The following ETV1 variants were observed in gnomAD, a reference collection of about 807,000 sequenced individuals.
ETV1 encodes the protein ETS translocation variant 1.
Under a neutral mutation model 62.3 loss-of-function variants are expected in ETV1, and 27 were observed. That is an observed-to-expected ratio of 0.43 (90% CI 0.32 to 0.60). The LOEUF is 0.60. Among genes scored for constraint, ETV1 ranks in the 20% least tolerant of loss-of-function variants. The probability of loss-of-function intolerance (pLI) is 0.06; values close to 1 mark genes in which losing one functional copy is unlikely to be tolerated. For synonymous variants in ETV1, 222 were observed against 199.6 expected, an observed-to-expected ratio of 1.11 and a Z score of -0.94; for missense variants, 605 against 605.8, an observed-to-expected ratio of 1.00 and a Z score of 0.01.
intron 6 of ETV1, among the ~76,000 whole-genome samples, chr7:13,944,900 G>A (rs1404157828): frequency 2.6e-5 from 4 of 152,138 alleles, no homozygotes; most frequent in Admixed American, 6.5e-5. Context: ...AGACTGCTAC[G>A]TGAAAATGAG....
chr7:13,929,900 G>C (rs1277958146), intron 9 of ETV1, among the ~76,000 whole-genome samples: 5 of 152,146 alleles, frequency 3.3e-5, no homozygotes, highest in Admixed American at 3.3e-4. Flanking sequence ...AGAGCCTTAA[G>C]GGCAGTTCAT....
At chr7:13,899,664 A>G (rs796917948) in intron 13 of ETV1, among the ~76,000 whole-genome samples, 11 of 152,382 alleles carry the variant, frequency 7.2e-5, no homozygotes, top group African/African-American at 2.2e-4. Context: ...GGTAAATCAT[A>G]AACTTGGTTC....
At chr7:13,988,761 A>G (rs1782798894) in intron 3 of ETV1, 1 of 1,611,572 alleles carries the variant, frequency 6.2e-7, no homozygotes, top group South Asian at 1.1e-5. Context: ...CTCCTCTTCC[A>G]CTCATGTTGG....
At chr7:13,980,661 C>T (rs751814694) in intron 5 of ETV1, among the ~76,000 whole-genome samples, 9 of 152,086 alleles carry the variant, frequency 5.9e-5, no homozygotes, top group Non-Finnish European at 1.3e-4. Flanking sequence ...GCTGGAGCGG[C>T]TCTATCAGTT....
chr7:13,986,367 T>A, intron 5 of ETV1: 1 of 1,488,230 alleles, frequency 6.7e-7, no homozygotes, highest in Non-Finnish European at 8.9e-7. Flanking sequence ...GGCTTAGAAC[T>A]TGAAGTCTTG....
At chr7:13,946,508 A>C (rs1223800610) in intron 6 of ETV1, among the ~76,000 whole-genome samples, 3 of 152,178 alleles carry the variant, frequency 2.0e-5, no homozygotes, top group African/African-American at 7.2e-5. Flanking sequence ...ATTCCTCATG[A>C]AGTGTTTGCT....
intron 5 of ETV1, among the ~76,000 whole-genome samples, chr7:13,982,959 G>C (rs1420098962): frequency 2.6e-5 from 4 of 151,984 alleles, no homozygotes; most frequent in Admixed American, 2.6e-4. Context: ...CCATTAAAGC[G>C]AATTGAGGGG....
intron 6 of ETV1, among the ~76,000 whole-genome samples, chr7:13,957,085 T>A (rs1042565252): frequency 3.3e-5 from 5 of 151,942 alleles, no homozygotes; most frequent in African/African-American, 1.2e-4. Context: ...TTTATTTATT[T>A]TTTATTTTTA....
chr7:13,953,645 G>A (rs1230165663), intron 6 of ETV1, among the ~76,000 whole-genome samples: 3 of 146,722 alleles, frequency 2.0e-5, no homozygotes, highest in East Asian at 4.0e-4. Flanking sequence ...TGACTATGAA[G>A]ACAGGTTCTT....
intron 7 of ETV1, 33 bp downstream of exon 7, chr7:13,939,084 A>G (rs374963529): frequency 4.4e-6 from 7 of 1,589,964 alleles, no homozygotes; most frequent in African/African-American, 4.1e-5. Flanking sequence ...AATAAGAACC[A>G]CTATCCTACA....
rs752325515 is a variant in ETV1 at position 13,986,611 on chromosome 7, C to T, written c.181+27G>A. The T allele has an allele frequency of 1.9e-6, 3 of 1,610,068 alleles. No homozygotes were observed. The Admixed American group carries it at 5.0e-5, about 27-fold the overall frequency. ...CTTTCTCCTTCTAGAGTTGCTTTCCCCCCTTTTAAAGCAAATTTTGCCTTA... is the reference window on the plus strand; with the variant it reads ...CTTTCTCCTTCTAGAGTTGCTTTCCTCCCTTTTAAAGCAAATTTTGCCTTA... On this transcript the variant is annotated intron_variant, in intron 5 of 13. Coordinates refer to ENST00000430479, the MANE Select transcript of ETV1 (RefSeq NM_004956.5).
chr7:13,930,643 T>A (rs1048053833), intron 9 of ETV1, among the ~76,000 whole-genome samples: 4 of 151,754 alleles, frequency 2.6e-5, no homozygotes, highest in African/African-American at 9.7e-5. Context: ...CTCCCTCCTT[T>A]CAGGAAACCC....
At chr7:13,935,929 C>T (rs1195266680) in intron 7 of ETV1, 33 bp from the exon 8 acceptor site, 1 of 1,511,704 alleles carries the variant, frequency 6.6e-7, no homozygotes, top group South Asian at 1.2e-5. Context: ...GAGAACATTT[C>T]TTTCTTTGGA....
chr7:13,962,288 G>C (rs1057157085), intron 6 of ETV1, among the ~76,000 whole-genome samples: 7 of 151,744 alleles, frequency 4.6e-5, no homozygotes, highest in Admixed American at 2.0e-4. Flanking sequence ...AGGAAACTGA[G>C]GCACAATGAT....
intron 6 of ETV1, among the ~76,000 whole-genome samples, chr7:13,976,984 G>A (rs1781509680): frequency 6.6e-6 from 1 of 152,188 alleles, no homozygotes; most frequent in Non-Finnish European, 1.5e-5. Context: ...GCCAATGAAT[G>A]TTTGGTCCAG....
chr7:13,962,509 C>T lies in ETV1; in HGVS notation c.235+14918G>A, dbSNP rs929584371. Among the ~76,000 whole-genome samples the T allele has an allele frequency of 2.6e-5, 4 of 152,078 alleles. No individual in the cohort carries two copies. The East Asian group carries it at 5.8e-4, about 22-fold the overall frequency. On this transcript the variant is annotated intron_variant, in intron 6 of 13. Transcript: ENST00000430479. Reference sequence around the variant, plus strand: ...TAAAAAAGTAGTATCAGACAAGACGCAAAATGTGATATTCAATTAATTTCA... The same window carrying T: ...TAAAAAAGTAGTATCAGACAAGACGTAAAATGTGATATTCAATTAATTTCA...
chr7:13,900,129 AAAACAAAC>A (rs148725127), intron 13 of ETV1, among the ~76,000 whole-genome samples: 1 of 152,132 alleles, frequency 6.6e-6, no homozygotes, highest in African/African-American at 2.4e-5. Context: ...AATCTGTCTC[AAAACAAAC>A]AAACAAACAA....
chr7:13,921,923 G>C (rs973837625), intron 9 of ETV1, among the ~76,000 whole-genome samples: 1 of 152,032 alleles, frequency 6.6e-6, no homozygotes, highest in African/African-American at 2.4e-5. Flanking sequence ...TACTTTTTAA[G>C]GTGGTTCAAA....
chr7:13,982,362 G>T (rs990944055), intron 5 of ETV1, among the ~76,000 whole-genome samples: 4 of 151,862 alleles, frequency 2.6e-5, no homozygotes, highest in Non-Finnish European at 4.4e-5. Flanking sequence ...AAATAGAAAA[G>T]CTTAGCAATA....
Sources: allele counts gnomAD v4.1 joint callset (sites outside exome capture counted in the v4.1 genomes callset), GRCh38; gene constraint gnomAD v4.1.1; transcripts MANE v1.5; gene names NCBI Gene and HGNC (gene_info 2026-07-23, HGNC 2026-07-21).